DPP6: variants seen among roughly 807,000 people sequenced by gnomAD.
DPP6 encodes the protein dipeptidyl peptidase like 6.
Under a neutral mutation model 122.6 loss-of-function variants are expected in DPP6, and 69 were observed. The observed-to-expected ratio is 0.56, with a 90% CI of 0.46 to 0.69. The LOEUF (loss-of-function observed/expected upper bound fraction) is 0.69, where lower values mean the gene tolerates loss of function less well. DPP6 is among the 30% of genes least tolerant of loss of function. The probability of loss-of-function intolerance (pLI) is 0.00; values close to 1 mark genes in which losing one functional copy is unlikely to be tolerated. For missense variants in DPP6, 928 were observed against 1,116.9 expected (o/e 0.83, Z 2.41); for synonymous variants, 418 against 433.1 (o/e 0.97, Z 0.43).
At chr7:154,289,048 G>A (rs2150961795) in intron 1 of DPP6, among the ~76,000 whole-genome samples, 1 of 152,320 alleles carries the variant, frequency 6.6e-6, no homozygotes, top group African/African-American at 2.4e-5. Flanking sequence ...ACGGCTTGCA[G>A]AGTTGCAGCA....
intron 1 of DPP6, among the ~76,000 whole-genome samples, chr7:154,316,829 A>C (rs942592298): frequency 2.0e-5 from 3 of 152,112 alleles, no homozygotes; most frequent in Admixed American, 6.5e-5. Context: ...GAATGGGGGC[A>C]ATGGGGGGAT....
intron 1 of DPP6, among the ~76,000 whole-genome samples, chr7:153,942,113 A>T (rs1422376131): frequency 1.3e-5 from 2 of 152,194 alleles, no homozygotes; most frequent in Admixed American, 1.3e-4. Flanking sequence ...CCTCTATTCA[A>T]TTTAGCACCA....
At chr7:154,522,086 C>A (rs762302261) in intron 3 of DPP6, among the ~76,000 whole-genome samples, 8 of 152,146 alleles carry the variant, frequency 5.3e-5, no homozygotes, top group Admixed American at 4.6e-4. Flanking sequence ...GTTTCAGCTT[C>A]CCGGGTAGCT....
chr7:154,533,847 A>G (rs544220098), intron 3 of DPP6, among the ~76,000 whole-genome samples: 2 of 152,066 alleles, frequency 1.3e-5, no homozygotes, highest in African/African-American at 4.8e-5. Context: ...AAATTTAAAA[A>G]ATTAGCCAGG....
intron 1 of DPP6, among the ~76,000 whole-genome samples, chr7:154,104,539 A>G (rs1180470408): frequency 6.6e-6 from 1 of 152,234 alleles, no homozygotes; most frequent in Admixed American, 6.5e-5. Context: ...ACATATCAAA[A>G]CAGTCTGCTA....
At chr7:154,544,667 A>C (rs1268767498) in intron 4 of DPP6, among the ~76,000 whole-genome samples, 1 of 152,212 alleles carries the variant, frequency 6.6e-6, no homozygotes, top group Non-Finnish European at 1.5e-5. Flanking sequence ...CTGCTCAGGA[A>C]CAACAGGACC....
intron 1 of DPP6, among the ~76,000 whole-genome samples, chr7:153,989,627 C>T (rs1242686082): frequency 1.3e-5 from 2 of 151,898 alleles, no homozygotes; most frequent in Admixed American, 6.6e-5. Flanking sequence ...ACAGCTGGGG[C>T]GAGTCCCTGG....
At chr7:154,467,859 G>A (rs771558768) in intron 2 of DPP6, among the ~76,000 whole-genome samples, 1 of 152,154 alleles carries the variant, frequency 6.6e-6, no homozygotes, top group African/African-American at 2.4e-5. Context: ...GAGGTTTGGG[G>A]TCTGTGAATC....
the DPP6 span, among the ~76,000 whole-genome samples, chr7:153,808,045 AT>A: frequency 6.6e-6 from 1 of 151,652 alleles, no homozygotes; most frequent in South Asian, 2.1e-4. Context: ...TCTTTTTGAT[AT>A]TTTTTTCCAG....
intron 4 of DPP6, among the ~76,000 whole-genome samples, chr7:154,553,390 T>C (rs1354036416): frequency 1.3e-5 from 2 of 152,134 alleles, no homozygotes; most frequent in African/African-American, 2.4e-5. Context: ...GATTGTGAAG[T>C]AGAAAACCAA....
At chr7:154,063,749 C>T (rs1563160963) in intron 1 of DPP6, among the ~76,000 whole-genome samples, 1 of 151,672 alleles carries the variant, frequency 6.6e-6, no homozygotes, top group Non-Finnish European at 1.5e-5. Flanking sequence ...TTAGGACCCC[C>T]GTCGTGGATC....
chr7:154,543,791 C>T (rs373052779), intron 4 of DPP6, among the ~76,000 whole-genome samples: 26 of 151,898 alleles, frequency 1.7e-4, no homozygotes, highest in Middle Eastern at 3.4e-3. Flanking sequence ...GTCAGGAGTT[C>T]GAGACCAGCA....
chr7:154,258,481 T>C (rs902973168), intron 1 of DPP6, among the ~76,000 whole-genome samples: 3 of 152,112 alleles, frequency 2.0e-5, no homozygotes, highest in Non-Finnish European at 4.4e-5. Context: ...GAGGCTGACG[T>C]TGTTATAGGA....
At chr7:154,104,250 C>T (rs570664654) in intron 1 of DPP6, among the ~76,000 whole-genome samples, 1 of 152,186 alleles carries the variant, frequency 6.6e-6, no homozygotes, top group South Asian at 2.1e-4. Context: ...AATGCAGCTG[C>T]CCCGGACGGG....
intron 1 of DPP6, among the ~76,000 whole-genome samples, chr7:154,006,436 A>T (rs1008437085): frequency 6.6e-6 from 1 of 152,084 alleles, no homozygotes; most frequent in Admixed American, 6.6e-5. Context: ...TTCTTTGTAG[A>T]TTCTTTCTGA....
intron 3 of DPP6, among the ~76,000 whole-genome samples, chr7:154,531,754 A>T (rs999786887): frequency 6.6e-6 from 1 of 152,180 alleles, no homozygotes; most frequent in African/African-American, 2.4e-5. Flanking sequence ...TACACATAAC[A>T]AGTATAATTG....
chr7:153,861,370 T>G, the DPP6 span, among the ~76,000 whole-genome samples: 3 of 152,200 alleles, frequency 2.0e-5, no homozygotes, highest in South Asian at 6.2e-4. Context: ...GCCAATGACT[T>G]AATATAAATG....
chr7:154,431,456 CT>C (rs1348060487), intron 1 of DPP6, among the ~76,000 whole-genome samples: 3 of 8,752 alleles, frequency 3.4e-4, no homozygotes, highest in African/African-American at 1.7e-3. Flanking sequence ...CTTTTCTTTT[CT>C]TTTCTTTTCT....
At chr7:154,675,545 G>A (rs919044948) in intron 7 of DPP6, among the ~76,000 whole-genome samples, 4 of 152,126 alleles carry the variant, frequency 2.6e-5, no homozygotes, top group Admixed American at 6.5e-5. Flanking sequence ...CCTGCAGGCC[G>A]GTCCTGCCGT....
Sources: allele counts gnomAD v4.1 joint callset (sites outside exome capture counted in the v4.1 genomes callset), GRCh38; gene constraint gnomAD v4.1.1; transcripts MANE v1.5; gene names NCBI Gene and HGNC (gene_info 2026-07-23, HGNC 2026-07-21).